The following DPPA2 variants were observed in gnomAD, a reference collection of about 807,000 sequenced individuals.
DPPA2 encodes the protein developmental pluripotency associated 2.
A neutral mutation model predicts 36.2 loss-of-function variants in DPPA2; 26 were observed. The observed-to-expected ratio is 0.72, with a 90% CI of 0.53 to 1.00. The LOEUF is 1.00. Among genes scored for constraint, DPPA2 ranks in the 50% least tolerant of loss-of-function variants. The probability of loss-of-function intolerance (pLI) is 0.00; values close to 1 mark genes in which losing one functional copy is unlikely to be tolerated. For synonymous variants in DPPA2, 113 were observed against 123.2 expected (o/e 0.92, Z 0.55); for missense variants, 361 against 365.1 (o/e 0.99, Z 0.09).
intron 3 of DPPA2, among the ~76,000 whole-genome samples, 187 bp from the exon 4 acceptor site, chr3:109,309,517 C>T (rs533452402): frequency 1.3e-5 from 2 of 151,254 alleles, no homozygotes; most frequent in East Asian, 4.0e-4. Context: ...GAAACCCCGT[C>T]TCTACTAAAA....
intron 6 of DPPA2, among the ~76,000 whole-genome samples, chr3:109,307,603 C>CAAAAAAAAAAAAAAAAAAA (rs769445059): frequency 4.6e-5 from 2 of 43,826 alleles, no homozygotes; most frequent in Non-Finnish European, 9.9e-5. Context: ...AACTCCATCT[C>CAAAAAAAAAAAAAAAAAAA]AAAAAAAAAA....
intron 1 of DPPA2, among the ~76,000 whole-genome samples, chr3:109,315,831 C>A (rs1188102311): frequency 6.6e-6 from 1 of 151,846 alleles, no homozygotes. Flanking sequence ...AAGTTCGAGA[C>A]CAGCCTGGGC....
intron 2 of DPPA2, among the ~76,000 whole-genome samples, chr3:109,314,302 C>G (rs947479019): frequency 1.3e-5 from 2 of 152,102 alleles, no homozygotes; most frequent in African/African-American, 2.4e-5. Flanking sequence ...GAAAATTTTA[C>G]TTCTTTTTAC....
intron 7 of DPPA2, among the ~76,000 whole-genome samples, chr3:109,303,760 G>GT (rs1350107190): frequency 1.3e-5 from 2 of 152,084 alleles, no homozygotes; most frequent in African/African-American, 4.8e-5. Context: ...TCAAATGTGT[G>GT]TTTTTTTCCT....
At position 109,309,128 on chromosome 3, in the gene DPPA2, A is replaced by G; in HGVS notation, c.342+42T>C. On this transcript the variant is annotated intron_variant, in intron 4 of 8. Transcript: ENST00000478945. Reference sequence around the variant, plus strand: ...AAGTTAAAAGTTGACAAAGACTCCCATAATTATTCCCAGCAGCAGATATTC... The same window carrying G: ...AAGTTAAAAGTTGACAAAGACTCCCGTAATTATTCCCAGCAGCAGATATTC... 3 of 1,614,158 alleles carry G rather than the reference A, an allele frequency of 1.9e-6. 1 individual carries two copies. The highest frequency in any genetic ancestry group is 2.2e-5 in the South Asian group (2 of 91,082).
Position 109,298,220 on chromosome 3 carries a change from A to G in DPPA2, c.*22+2151T>C, listed in dbSNP as rs1307677821. Among the ~76,000 whole-genome samples the G allele has an allele frequency of 5.3e-5, 8 of 152,344 alleles. No individual in the cohort carries two copies. In the East Asian group the frequency reaches 1.5e-3, roughly 29 times the overall value. ...CTATGTTGGATAAATGTCATTTTAC[A>G]TTTGTCAAAACCATAGAATGTACAA... On this transcript the variant is annotated intron_variant, in intron 8 of 8. Coordinates refer to ENST00000478945, the MANE Select transcript of DPPA2 (RefSeq NM_138815.4).
rs1707431760 is a variant in DPPA2, at chr3:109,300,037, T to A, written c.*22+334A>T. Among the ~76,000 whole-genome samples the A allele has an allele frequency of 1.3e-5, 2 of 152,122 alleles. 1 individual carries two copies. Among genetic ancestry groups the A allele is most frequent in the South Asian group, 4.1e-4 (2 of 4,834 alleles). ...TACATGGGAACCCTATACTTTTCAC[T>A]CAAGTTTTCATTTTCAAAAAAGAGT... On this transcript the variant is annotated intron_variant, in intron 8 of 8. Transcript: ENST00000478945.
chr3:109,316,338 G>C lies in DPPA2; in HGVS notation c.-68C>G, dbSNP rs891255624. 1.3e-5 allele frequency: 2 copies of C among 153,406 alleles called. No individual in the cohort carries two copies. The highest frequency in any genetic ancestry group is 4.8e-5 in the African/African-American group (2 of 41,450). 9.5% of individuals were successfully genotyped at this position (153,406 alleles called of 1,614,324 possible). ...GAGGATGTGGGTAGGGGGCCTCACTGTGTTGCCCAGGCTGGTCTTGAATTC... is the reference window on the plus strand; with the variant it reads ...GAGGATGTGGGTAGGGGGCCTCACTCTGTTGCCCAGGCTGGTCTTGAATTC... On this transcript the variant is annotated 5_prime_UTR_variant, in exon 1 of 9. Transcript: ENST00000478945.
intron 2 of DPPA2, 30 bp from the exon 3 acceptor site, chr3:109,312,722 A>T: frequency 6.2e-7 from 1 of 1,611,166 alleles, no homozygotes; most frequent in South Asian, 1.1e-5. Flanking sequence ...ACTGATTTTC[A>T]TTTGATGCGG....
Position 109,304,499 on chromosome 3 carries a change from A to G in DPPA2, c.830T>C (p.Met277Thr). 1.9e-6 allele frequency: 3 copies of G among 1,613,736 alleles called. No individual in the cohort carries two copies. Among genetic ancestry groups the G allele is most frequent in the Non-Finnish European group, 2.5e-6 (3 of 1,179,840 alleles). Residue 277 changes from methionine (M) to threonine (T), a missense_variant, in exon 7 of 9, where the codon ATG becomes ACG. Coordinates refer to ENST00000478945, the MANE Select transcript of DPPA2 (RefSeq NM_138815.4). ...IFPSPGIEDN[M>T]LCPDCAKRNK... is the part of the protein sequence containing the mutation. ...CCTCTTAGCACAGTCGGGGCATAACATATTATCTTCTATGCCTGGGGATGG... is the reference window on the plus strand; with the variant it reads ...CCTCTTAGCACAGTCGGGGCATAACGTATTATCTTCTATGCCTGGGGATGG...
intron 8 of DPPA2, among the ~76,000 whole-genome samples, chr3:109,297,545 C>T (rs1707377173): frequency 6.7e-6 from 1 of 150,088 alleles, no homozygotes. Context: ...AAAAAAAAAG[C>T]ACTGAAATAC....
intron 1 of DPPA2, among the ~76,000 whole-genome samples, chr3:109,315,715 T>A (rs1707774643): frequency 6.6e-6 from 1 of 152,146 alleles, no homozygotes; most frequent in Non-Finnish European, 1.5e-5. Context: ...GTTACTAGTG[T>A]ATTTAACACA....
At chr3:109,298,443 G>A (rs1394566061) in intron 8 of DPPA2, among the ~76,000 whole-genome samples, 1 of 151,428 alleles carries the variant, frequency 6.6e-6, no homozygotes, top group African/African-American at 2.4e-5. Context: ...AGCCGGGCAC[G>A]GTGGCTCACG....
chr3:109,299,080 C>T (rs1325161461), intron 8 of DPPA2, among the ~76,000 whole-genome samples: 3 of 151,610 alleles, frequency 2.0e-5, no homozygotes, highest in African/African-American at 7.3e-5. Flanking sequence ...GAAAAAGAGG[C>T]CGGGCACGGT....
chr3:109,311,254 T>C (rs1206435174), intron 3 of DPPA2, among the ~76,000 whole-genome samples: 2 of 152,212 alleles, frequency 1.3e-5, no homozygotes, highest in East Asian at 3.9e-4. Flanking sequence ...AAATATCAGC[T>C]CTTCCTATAG....
chr3:109,301,379 C>T (rs753338948), intron 7 of DPPA2, among the ~76,000 whole-genome samples: 1 of 151,918 alleles, frequency 6.6e-6, no homozygotes, highest in Non-Finnish European at 1.5e-5. Flanking sequence ...AGGCTGGGTG[C>T]GGTGGCTTAC....
chr3:109,294,465 A>G (rs1223927596), intron 8 of DPPA2, among the ~76,000 whole-genome samples: 1 of 152,206 alleles, frequency 6.6e-6, no homozygotes, highest in African/African-American at 2.4e-5. Flanking sequence ...CAGTCTGCCT[A>G]CTGGACAACT....
chr3:109,309,024 A>G lies in DPPA2; in HGVS notation c.396+2T>C. 1 of 1,614,170 alleles carries G rather than the reference A, an allele frequency of 6.2e-7. No individual in the cohort carries two copies. On this transcript the variant is annotated splice_donor_variant, in intron 5 of 8. Transcript: ENST00000478945. LOFTEE classifies it high-confidence loss of function. ...CACACCATCAACACACTCATTACTC[A>G]CTTGCCGTTGTTCAGGGTAAGCATG...
intron 8 of DPPA2, among the ~76,000 whole-genome samples, chr3:109,298,518 G>C (rs182321771): frequency 1.1e-3 from 172 of 151,386 alleles, no homozygotes; most frequent in African/African-American, 4.1e-3. Flanking sequence ...CTCAAGACCA[G>C]CCTGGCCAAC....
Sources: gnomAD v4.1 joint callset for allele counts (sites outside exome capture counted in the v4.1 genomes callset) on GRCh38, gnomAD v4.1.1 for gene constraint, MANE v1.5 for transcripts, NCBI Gene and HGNC (gene_info 2026-07-23, HGNC 2026-07-21) for gene names.